The following C1orf185 variants were observed in gnomAD, a reference collection of about 807,000 sequenced individuals.
C1orf185 encodes uncharacterized protein C1orf185.
Under a neutral mutation model 16.1 loss-of-function variants are expected in C1orf185, and 13 were observed. The observed-to-expected ratio is 0.81, with a 90% CI of 0.53 to 1.28. C1orf185 has a LOEUF of 1.28. Ranked by LOEUF, C1orf185 falls within the 50% of genes most tolerant of loss-of-function variation. The probability of loss-of-function intolerance (pLI) is 0.00; values close to 1 mark genes in which losing one functional copy is unlikely to be tolerated. For synonymous variants in C1orf185, 80 were observed against 76.9 expected (o/e 1.04, Z -0.21); for missense variants, 220 against 225.2 (o/e 0.98, Z 0.15).
At chr1:51,112,070 A>C (rs564705791) in intron 1 of C1orf185, among the ~76,000 whole-genome samples, 1 of 152,294 alleles carries the variant, frequency 6.6e-6, no homozygotes, top group South Asian at 2.1e-4. Flanking sequence ...TTGATAACAC[A>C]AATCTTAAAA....
chr1:51,147,738 G>A lies in C1orf185; in HGVS notation c.567G>A (p.Glu189=). The change falls in exon 5 of 5, where the codon GAG becomes GAA. Residue 189 remains glutamate (E), a synonymous_variant. Transcript: ENST00000371759. ...FSYLSTISLE[E]GTESVLNDTL Reference sequence around the variant, plus strand: ...ACCTGTCAACCATTTCATTAGAAGAGGGTACTGAAAGTGTACTGAATGACA... The same window carrying A: ...ACCTGTCAACCATTTCATTAGAAGAAGGTACTGAAAGTGTACTGAATGACA... The A allele has an allele frequency of 6.5e-7, 1 of 1,549,304 alleles. No homozygotes were observed. Among genetic ancestry groups the A allele is most frequent in the Non-Finnish European group, 8.7e-7 (1 of 1,146,056 alleles).
At chr1:51,104,159 G>A (rs1369554141) in intron 1 of C1orf185, among the ~76,000 whole-genome samples, 2 of 152,182 alleles carry the variant, frequency 1.3e-5, no homozygotes, top group East Asian at 1.9e-4. Flanking sequence ...TGTTTCACAC[G>A]TATTTGCTGT....
intron 1 of C1orf185, among the ~76,000 whole-genome samples, chr1:51,109,195 T>C (rs1174567446): frequency 2.0e-5 from 3 of 152,224 alleles, no homozygotes. Flanking sequence ...TTTTTTCATA[T>C]ACCTGTTGGT....
intron 3 of C1orf185, among the ~76,000 whole-genome samples, chr1:51,132,019 T>G (rs987474377): frequency 1.3e-5 from 2 of 152,186 alleles, no homozygotes; most frequent in African/African-American, 4.8e-5. Flanking sequence ...TAAAATATTC[T>G]AGAAATGAAG....
intron 3 of C1orf185, among the ~76,000 whole-genome samples, chr1:51,134,153 A>C (rs1252852741): frequency 3.3e-5 from 5 of 152,182 alleles, no homozygotes; most frequent in African/African-American, 1.2e-4. Context: ...TCAGACCAAA[A>C]CACAATCAAA....
intron 1 of C1orf185, among the ~76,000 whole-genome samples, chr1:51,106,558 G>A (rs1454336514): frequency 1.3e-5 from 2 of 152,052 alleles, no homozygotes; most frequent in Non-Finnish European, 2.9e-5. Context: ...GAGGATGAGA[G>A]GATTGCTTGA....
At chr1:51,127,259 A>T (rs1646248272) in intron 3 of C1orf185, among the ~76,000 whole-genome samples, 1 of 151,642 alleles carries the variant, frequency 6.6e-6, no homozygotes, top group Admixed American at 6.6e-5. Context: ...TCCTCTACCC[A>T]TCCCAGGTAT....
chr1:51,148,975 C>A (rs964592132), downstream of C1orf185, among the ~76,000 whole-genome samples: 3 of 152,084 alleles, frequency 2.0e-5, no homozygotes, highest in African/African-American at 7.2e-5. Context: ...TTTCCTATCT[C>A]TATTTCTCAG....
downstream of C1orf185, among the ~76,000 whole-genome samples, chr1:51,149,181 C>T (rs187562609): frequency 2.4e-4 from 36 of 152,102 alleles, no homozygotes; most frequent in Admixed American, 2.4e-3. Context: ...TGAAATTAAT[C>T]CCCTTGGGAA....
intron 3 of C1orf185, among the ~76,000 whole-genome samples, chr1:51,134,303 G>A (rs983963611): frequency 1.3e-5 from 2 of 152,022 alleles, no homozygotes; most frequent in Admixed American, 6.6e-5. Flanking sequence ...GAGAACAAAG[G>A]TGCAAAATAC....
intron 2 of C1orf185, among the ~76,000 whole-genome samples, chr1:51,114,685 T>C (rs533615045): frequency 6.6e-6 from 1 of 152,188 alleles, no homozygotes; most frequent in African/African-American, 2.4e-5. Flanking sequence ...ATCCCACCAC[T>C]GCACTCCAGC....
chr1:51,112,816 CT>C (rs202031236), intron 2 of C1orf185, among the ~76,000 whole-genome samples: 139 of 142,704 alleles, frequency 9.7e-4, no homozygotes, highest in Middle Eastern at 7.3e-3. Flanking sequence ...ACTTTCTTTT[CT>C]TTTTTTTTTT....
In C1orf185 at chr1:51,140,156, A is replaced by G. The variant is rs547064891; in HGVS notation, c.259-5568A>G. Among the ~76,000 whole-genome samples the G allele has an allele frequency of 2.0e-4, 31 of 152,308 alleles. No homozygotes were observed. In the South Asian group the frequency reaches 5.8e-3, roughly 28 times the overall value. On this transcript the variant is annotated intron_variant, in intron 3 of 4. Coordinates refer to ENST00000371759, the MANE Select transcript of C1orf185 (RefSeq NM_001136508.2). The stretch of plus-strand genomic sequence containing the variant: ...ATACAGTCAGTGTTTACTTAGATTT[A>G]CCAACAAATTGATCACTTTCGTTGT...
intron 2 of C1orf185, among the ~76,000 whole-genome samples, chr1:51,115,116 G>A (rs577965918): frequency 1.3e-5 from 2 of 152,138 alleles, no homozygotes; most frequent in South Asian, 2.1e-4. Context: ...AGGCTGAGGC[G>A]GGCAGATCTC....
At chr1:51,131,585 G>C (rs533789113) in intron 3 of C1orf185, among the ~76,000 whole-genome samples, 1,904 of 152,024 alleles carry the variant, frequency 0.013, 41 homozygotes, top group African/African-American at 0.044. Context: ...ACCAGCCTGG[G>C]CAACAAAGCA....
intron 1 of C1orf185, among the ~76,000 whole-genome samples, chr1:51,102,649 AT>A (rs576101925): frequency 6.6e-6 from 1 of 151,522 alleles, no homozygotes; most frequent in African/African-American, 2.4e-5. Context: ...TATGCCTTCT[AT>A]TTTTTTCATT....
intron 3 of C1orf185, among the ~76,000 whole-genome samples, chr1:51,134,765 T>C (rs1401806245): frequency 5.3e-5 from 8 of 152,148 alleles, no homozygotes; most frequent in Admixed American, 5.2e-4. Flanking sequence ...AATGGATAAA[T>C]TCCTGGACAC....
At chr1:51,129,518 C>T (rs1005200424) in intron 3 of C1orf185, among the ~76,000 whole-genome samples, 1 of 151,812 alleles carries the variant, frequency 6.6e-6, no homozygotes, top group Non-Finnish European at 1.5e-5. Flanking sequence ...CTCAAGGGAT[C>T]CTCCCACCTC....
chr1:51,151,114 T>C (rs1321188614), downstream of C1orf185, among the ~76,000 whole-genome samples: 1 of 152,230 alleles, frequency 6.6e-6, no homozygotes, highest in African/African-American at 2.4e-5. Context: ...TACATATACC[T>C]GAAAAGCAAC....
Sources: allele counts gnomAD v4.1 joint callset (sites outside exome capture counted in the v4.1 genomes callset), GRCh38; gene constraint gnomAD v4.1.1; transcripts MANE v1.5; gene names NCBI Gene and HGNC (gene_info 2026-07-23, HGNC 2026-07-21).